Variants in DCC observed in about 807,000 individuals in gnomAD.
DCC encodes netrin receptor DCC.
DCC carries 58 observed loss-of-function variants against 172.5 expected under a neutral mutation model. The ratio of observed to expected loss-of-function variants is 0.34; its 90% CI spans 0.27 to 0.42. The LOEUF (loss-of-function observed/expected upper bound fraction) is 0.42. Among genes scored for constraint, DCC ranks in the 10% least tolerant of loss-of-function variants. The pLI, the probability that DCC is intolerant of heterozygous loss-of-function variation, is 1.00. For missense variants in DCC, 1,740 were observed against 1,791.0 expected (o/e 0.97, Z 0.51); for synonymous variants, 709 against 644.5 (o/e 1.10, Z -1.52).
intron 1 of DCC, among the ~76,000 whole-genome samples, chr18:52,526,977 GTCAC>G: frequency 6.6e-6 from 1 of 152,188 alleles, no homozygotes; most frequent in African/African-American, 2.4e-5. Flanking sequence ...AATATCCAAA[GTCAC>G]ACGCCAATGC....
At chr18:53,232,507 C>T (rs1163210126) in intron 12 of DCC, among the ~76,000 whole-genome samples, 2 of 152,166 alleles carry the variant, frequency 1.3e-5, no homozygotes, top group Non-Finnish European at 2.9e-5. Flanking sequence ...TCATTCTCTT[C>T]ATGCCAGGCT....
At chr18:53,229,292 C>T (rs1165638925) in intron 12 of DCC, among the ~76,000 whole-genome samples, 1 of 152,064 alleles carries the variant, frequency 6.6e-6, no homozygotes, top group Non-Finnish European at 1.5e-5. Context: ...TAATGGGGTA[C>T]TGGAGCCAGG....
At chr18:52,628,929 C>A (rs1298225519) in intron 1 of DCC, among the ~76,000 whole-genome samples, 1 of 152,178 alleles carries the variant, frequency 6.6e-6, no homozygotes, top group African/African-American at 2.4e-5. Flanking sequence ...TGATGACACA[C>A]CGGCAATCTT....
In DCC at chr18:52,906,054, G is replaced by A. The variant is rs1271631002; in HGVS notation, c.423G>A (p.Arg141=). The stretch of plus-strand genomic sequence containing the variant: ...TTGTTTTTCTCCTAGGACCACTGAG[G>A]TTCCTTTCACAGACAGAATCTGTCA... ...TAKVAVAGPL[R]FLSQTESVTA... Residue 141 remains arginine, a synonymous_variant, in exon 3 of 29, where the codon AGG becomes AGA. Transcript: ENST00000442544. The A allele has an allele frequency of 3.7e-6, 6 of 1,608,936 alleles. No individual in the cohort carries two copies. Among genetic ancestry groups the A allele is most frequent in the Non-Finnish European group, 5.1e-6 (6 of 1,175,398 alleles).
At chr18:53,397,862 G>A (rs919608169) in intron 18 of DCC, among the ~76,000 whole-genome samples, 2 of 152,142 alleles carry the variant, frequency 1.3e-5, no homozygotes, top group African/African-American at 2.4e-5. Flanking sequence ...CATTACAACC[G>A]AAGTCTCATG....
At chr18:52,483,554 G>C (rs149804316) in intron 1 of DCC, among the ~76,000 whole-genome samples, 12 of 152,028 alleles carry the variant, frequency 7.9e-5, no homozygotes, top group African/African-American at 2.9e-4. Flanking sequence ...CTTCTTGAAC[G>C]TTTTGAAGGC....
At chr18:53,394,181 T>TA (rs1284495580) in intron 17 of DCC, among the ~76,000 whole-genome samples, 3 of 152,192 alleles carry the variant, frequency 2.0e-5, no homozygotes, top group Non-Finnish European at 4.4e-5. Context: ...GGGTTGGCTT[T>TA]GCAACCTCCT....
In DCC at chr18:52,866,844, C is replaced by A. The variant is rs187395959; in HGVS notation, c.413-39200C>A. ...CATCTGCAAACAGACAATTTGCTTC[C>A]TTTCTTCCTATTTGAATACCCTTTA... On this transcript the variant is annotated intron_variant, in intron 2 of 28. Coordinates refer to ENST00000442544, the MANE Select transcript of DCC (RefSeq NM_005215.4). Among the ~76,000 whole-genome samples, 323 of 152,258 alleles carry A rather than the reference C, an allele frequency of 2.1e-3. 2 individuals carry two copies. Among genetic ancestry groups the A allele is most frequent in the African/African-American group, 7.4e-3 (307 of 41,552 alleles).
intron 1 of DCC, among the ~76,000 whole-genome samples, chr18:52,411,681 A>T (rs1376766583): frequency 6.6e-6 from 1 of 152,172 alleles, no homozygotes; most frequent in East Asian, 1.9e-4. Flanking sequence ...CAGACTGCCT[A>T]GTTTTGAATC....
At chr18:53,047,280 ATATATATAATTT>A (rs2042257038) in intron 5 of DCC, among the ~76,000 whole-genome samples, 3 of 17,812 alleles carry the variant, frequency 1.7e-4, no homozygotes, top group African/African-American at 1.3e-3. Context: ...ATATATATAT[ATATATATAATTT>A]TATATATATA....
At chr18:52,660,016 A>G (rs963588491) in intron 1 of DCC, among the ~76,000 whole-genome samples, 24 of 152,192 alleles carry the variant, frequency 1.6e-4, no homozygotes, top group Admixed American at 1.3e-3. Flanking sequence ...GAGCTTGAAA[A>G]TGATGCAGAA....
chr18:52,577,519 G>C (rs766841424), intron 1 of DCC, among the ~76,000 whole-genome samples: 312 of 147,152 alleles, frequency 2.1e-3, no homozygotes, highest in Non-Finnish European at 3.4e-3. Context: ...TAAGTTGATG[G>C]TTCCATAGTT....
chr18:53,044,201 AG>A (rs1456669145), intron 5 of DCC, among the ~76,000 whole-genome samples: 12 of 152,000 alleles, frequency 7.9e-5, no homozygotes, highest in African/African-American at 2.9e-4. Flanking sequence ...ATTTGGAGTC[AG>A]TGCCATTTTG....
At chr18:53,511,482 C>T (rs1296642563) in intron 27 of DCC, among the ~76,000 whole-genome samples, 2 of 152,194 alleles carry the variant, frequency 1.3e-5, no homozygotes, top group African/African-American at 4.8e-5. Flanking sequence ...AGGAACAGCT[C>T]CGGTCTACAG....
chr18:53,407,594 T>G (rs11874152), intron 19 of DCC, among the ~76,000 whole-genome samples: 2 of 141,564 alleles, frequency 1.4e-5, no homozygotes, highest in Non-Finnish European at 3.0e-5. Flanking sequence ...GTTCAGTAAC[T>G]TTTACATAGA....
chr18:52,760,200 C>T (rs2037136727), intron 2 of DCC, among the ~76,000 whole-genome samples: 1 of 152,144 alleles, frequency 6.6e-6, no homozygotes, highest in Non-Finnish European at 1.5e-5. Context: ...TATCCTTCTT[C>T]ACATGGCAGC....
chr18:53,044,079 A>T (rs1423829961), intron 5 of DCC, among the ~76,000 whole-genome samples: 3 of 151,944 alleles, frequency 2.0e-5, no homozygotes, highest in Admixed American at 2.0e-4. Context: ...GGATTATTGA[A>T]GAATTAATAA....
In DCC at chr18:53,182,486, A is replaced by G. The variant is rs1181972824; in HGVS notation, c.1573+3370A>G. On this transcript the variant is annotated intron_variant, in intron 9 of 28. Transcript: ENST00000442544. The stretch of plus-strand genomic sequence containing the variant: ...AGGAATAAAGTAGCCTGCATAAACA[A>G]GACATTCAGAATATCCTTTACATGT... Among the ~76,000 whole-genome samples, 5 of 152,334 alleles carry G rather than the reference A, an allele frequency of 3.3e-5. No homozygotes were observed. The East Asian group carries it at 5.8e-4, about 18-fold the overall frequency.
At chr18:52,770,679 C>T (rs905188045) in intron 2 of DCC, among the ~76,000 whole-genome samples, 3 of 152,102 alleles carry the variant, frequency 2.0e-5, no homozygotes, top group Admixed American at 1.3e-4. Flanking sequence ...ATTACTGGAG[C>T]CCAGGACTTC....
Sources: allele counts gnomAD v4.1 joint callset (sites outside exome capture counted in the v4.1 genomes callset), GRCh38; gene constraint gnomAD v4.1.1; transcripts MANE v1.5; gene names NCBI Gene and HGNC (gene_info 2026-07-23, HGNC 2026-07-21).